Variants in OSBPL9 observed in about 807,000 individuals in gnomAD.
OSBPL9 encodes the protein oxysterol binding protein like 9.
OSBPL9 carries 40 observed loss-of-function variants against 106.6 expected under a neutral mutation model. The ratio of observed to expected loss-of-function variants is 0.38; its 90% CI spans 0.29 to 0.49. OSBPL9 has a LOEUF of 0.49. Ranked by LOEUF, OSBPL9 falls within the 20% of genes least tolerant of loss-of-function variation. The pLI is 0.97. For missense variants in OSBPL9, 609 were observed against 887.2 expected, an observed-to-expected ratio of 0.69 and a Z score of 3.98; for synonymous variants, 269 against 295.4, an observed-to-expected ratio of 0.91 and a Z score of 0.92.
chr1:51,639,824 T>G (rs933517841), intron 1 of OSBPL9, among the ~76,000 whole-genome samples: 2 of 135,512 alleles, frequency 1.5e-5, no homozygotes, highest in Non-Finnish European at 3.2e-5. Context: ...TTGTTTTTTT[T>G]TTTTTTTTTT....
At chr1:51,771,370 C>A (rs1673846070) in intron 12 of OSBPL9, among the ~76,000 whole-genome samples, 1 of 151,990 alleles carries the variant, frequency 6.6e-6, no homozygotes, top group Non-Finnish European at 1.5e-5. Context: ...TGGCTCACAC[C>A]TGTAAACCCA....
upstream of OSBPL9, among the ~76,000 whole-genome samples, chr1:51,573,508 C>CAAAAAA (rs961323006): frequency 3.2e-4 from 8 of 25,026 alleles, no homozygotes; most frequent in Admixed American, 5.4e-4. Flanking sequence ...AACTCCATCT[C>CAAAAAA]AAAAAAAAAA....
chr1:51,707,177 G>T, intron 3 of OSBPL9: 1 of 408,614 alleles, frequency 2.4e-6, no homozygotes, highest in South Asian at 1.9e-5. Flanking sequence ...CCACCACCCT[G>T]TTGGTGTAGC....
intron 15 of OSBPL9, among the ~76,000 whole-genome samples, chr1:51,779,315 C>A (rs1465979869): frequency 6.6e-6 from 1 of 152,174 alleles, no homozygotes; most frequent in Non-Finnish European, 1.5e-5. Flanking sequence ...ACACCCTTCT[C>A]AACAAATGGT....
chr1:51,731,913 A>G (rs947593043), intron 4 of OSBPL9, among the ~76,000 whole-genome samples: 5 of 152,236 alleles, frequency 3.3e-5, no homozygotes, highest in African/African-American at 1.2e-4. Context: ...GACAGAGATG[A>G]CGATGAATTT....
chr1:51,663,930 A>G (rs569259001), intron 2 of OSBPL9, among the ~76,000 whole-genome samples: 3 of 152,350 alleles, frequency 2.0e-5, no homozygotes, highest in African/African-American at 7.2e-5. Flanking sequence ...AGTTAAAACC[A>G]TGATGAGATG....
At chr1:51,727,922 C>T (rs576723771) in intron 4 of OSBPL9, among the ~76,000 whole-genome samples, 65 of 152,068 alleles carry the variant, frequency 4.3e-4, no homozygotes, top group African/African-American at 1.3e-3. Flanking sequence ...TGGGCTATGA[C>T]GATGTAAGAT....
chr1:51,586,077 G>A (rs1239770028), intron 1 of OSBPL9, among the ~76,000 whole-genome samples: 1 of 151,366 alleles, frequency 6.6e-6, no homozygotes, highest in African/African-American at 2.4e-5. Flanking sequence ...AGGAGGCTGA[G>A]GCATGAGAAT....
At chr1:51,664,471 A>G (rs566606021) in intron 2 of OSBPL9, among the ~76,000 whole-genome samples, 3 of 152,268 alleles carry the variant, frequency 2.0e-5, no homozygotes, top group East Asian at 3.9e-4. Context: ...TGGGTGGATC[A>G]CTTGAGGCCA....
intron 12 of OSBPL9, 38 bp downstream of exon 12, chr1:51,766,019 C>T (rs549758389): frequency 2.0e-6 from 3 of 1,517,150 alleles, no homozygotes; most frequent in Non-Finnish European, 2.7e-6. Flanking sequence ...AAATGATTCT[C>T]CTGATTTTTA....
intron 1 of OSBPL9, among the ~76,000 whole-genome samples, chr1:51,636,082 ATGTGTGTGTG>A (rs35392929): frequency 2.1e-5 from 3 of 139,746 alleles, no homozygotes; most frequent in East Asian, 2.2e-4. Context: ...ATGTATGTAT[ATGTGTGTGTG>A]TGTGTGTGTG....
At chr1:51,760,084 A>G (rs910595120) in intron 9 of OSBPL9, 2 of 152,548 alleles carry the variant, frequency 1.3e-5, no homozygotes, top group African/African-American at 4.8e-5. Flanking sequence ...ATTAGGTGTC[A>G]TAAGTAATTT....
At chr1:51,523,641 G>A in the OSBPL9 span, among the ~76,000 whole-genome samples, 1 of 151,994 alleles carries the variant, frequency 6.6e-6, no homozygotes, top group African/African-American at 2.4e-5. Context: ...TTAAAATTTT[G>A]CCCTTGAACA....
chr1:51,734,299 T>C (rs1001287821), intron 4 of OSBPL9, among the ~76,000 whole-genome samples: 5 of 152,218 alleles, frequency 3.3e-5, no homozygotes, highest in African/African-American at 1.2e-4. Flanking sequence ...TAAGTTATTC[T>C]GCTTACTCCG....
At chr1:51,719,602 G>C (rs1661693394) in intron 4 of OSBPL9, among the ~76,000 whole-genome samples, 1 of 152,082 alleles carries the variant, frequency 6.6e-6, no homozygotes, top group South Asian at 2.1e-4. Context: ...CAGCTTGTCT[G>C]GATGTCATAC....
At chr1:51,761,816 A>C (rs1356788836) in intron 10 of OSBPL9, 51 bp from the exon 11 acceptor site, 1 of 1,332,286 alleles carries the variant, frequency 7.5e-7, no homozygotes, top group Non-Finnish European at 1.1e-6. Flanking sequence ...AGTCAATAGA[A>C]TGTGTGTTTG....
intron 3 of OSBPL9, 29 bp from the exon 4 acceptor site, chr1:51,713,974 T>G: frequency 6.5e-7 from 1 of 1,537,136 alleles, no homozygotes; most frequent in East Asian, 2.3e-5. Flanking sequence ...ATTAAACTTT[T>G]AATTTTAATG....
chr1:51,695,151 A>G (rs1454402869), intron 3 of OSBPL9, among the ~76,000 whole-genome samples: 2 of 152,172 alleles, frequency 1.3e-5, no homozygotes, highest in East Asian at 3.8e-4. Flanking sequence ...TATTTACTCG[A>G]GGGTCAAAAT....
At chr1:51,550,292 T>C in the OSBPL9 span, among the ~76,000 whole-genome samples, 3 of 152,134 alleles carry the variant, frequency 2.0e-5, no homozygotes, top group Admixed American at 6.6e-5. Context: ...AAAAAATAAA[T>C]ATGAGACTAG....
Sources: allele counts gnomAD v4.1 joint callset (sites outside exome capture counted in the v4.1 genomes callset), GRCh38; gene constraint gnomAD v4.1.1; transcripts MANE v1.5; gene names NCBI Gene and HGNC (gene_info 2026-07-23, HGNC 2026-07-21).